GFRAL: variants seen among roughly 807,000 people sequenced by gnomAD.
The protein encoded by GFRAL is GDNF family receptor alpha like, also known as GDNF family receptor alpha-like.
In GFRAL, 36 loss-of-function variants were observed where a neutral mutation model predicts 45.4. The ratio of observed to expected loss-of-function variants is 0.79; its 90% CI spans 0.61 to 1.05. The LOEUF is 1.05. Among genes scored for constraint, GFRAL ranks in the 50% least tolerant of loss-of-function variants. The probability of loss-of-function intolerance (pLI) is 0.00; values close to 1 mark genes in which losing one functional copy is unlikely to be tolerated. For missense variants in GFRAL, 507 were observed against 467.5 expected (o/e 1.08, Z -0.78); for synonymous variants, 166 against 154.1 (o/e 1.08, Z -0.57).
intron 6 of GFRAL, among the ~76,000 whole-genome samples, chr6:55,378,115 A>T (rs1768558631): frequency 6.6e-6 from 1 of 152,064 alleles, no homozygotes; most frequent in South Asian, 2.1e-4. Flanking sequence ...TGTATGCATG[A>T]GTGCTGAGTG....
intron 6 of GFRAL, among the ~76,000 whole-genome samples, chr6:55,362,763 G>A (rs775611814): frequency 6.6e-5 from 10 of 151,778 alleles, no homozygotes; most frequent in Non-Finnish European, 1.3e-4. Context: ...TTAAATACCA[G>A]TTATATAGTC....
chr6:55,373,948 G>C (rs369253297), intron 6 of GFRAL, among the ~76,000 whole-genome samples: 1 of 152,086 alleles, frequency 6.6e-6, no homozygotes, highest in Non-Finnish European at 1.5e-5. Flanking sequence ...CCCACTGTGT[G>C]TCCATGTGTT....
chr6:55,328,964 A>G (rs923782130), intron 1 of GFRAL, among the ~76,000 whole-genome samples: 3 of 152,082 alleles, frequency 2.0e-5, no homozygotes, highest in Non-Finnish European at 4.4e-5. Flanking sequence ...TGAATTTTAA[A>G]ATCTCAGAAC....
chr6:55,390,850 T>C (rs1279244438), intron 6 of GFRAL, among the ~76,000 whole-genome samples: 1 of 150,470 alleles, frequency 6.6e-6, no homozygotes, highest in Admixed American at 6.6e-5. Context: ...ATCGCGCCAT[T>C]GCACTCCAGC....
intron 6 of GFRAL, among the ~76,000 whole-genome samples, chr6:55,370,376 A>G (rs990480156): frequency 6.6e-6 from 1 of 152,170 alleles, no homozygotes; most frequent in Non-Finnish European, 1.5e-5. Flanking sequence ...TTTGAGCATT[A>G]TATAAATGGA....
At chr6:55,394,349 G>A (rs190489574) in intron 6 of GFRAL, among the ~76,000 whole-genome samples, 1 of 152,174 alleles carries the variant, frequency 6.6e-6, no homozygotes, top group East Asian at 1.9e-4. Context: ...TAAGGGGAGG[G>A]GCAGGACTGA....
rs778321199 is a variant in GFRAL at position 55,331,880 on chromosome 6, G to T, written c.157+31G>T. The T allele has an allele frequency of 2.5e-6, 4 of 1,576,730 alleles. No homozygotes were observed. In the South Asian group the frequency reaches 3.5e-5, roughly 14 times the overall value. On this transcript the variant is annotated intron_variant, in intron 2 of 8. Transcript: ENST00000340465. ...CAAGTTGCTAAAAATACACTCAAAT[G>T]ATTTATTTTTACTAAGATAAAAACA... is the stretch of plus-strand genomic sequence containing the variant.
At chr6:55,339,506 C>T (rs1458832142) in intron 3 of GFRAL, among the ~76,000 whole-genome samples, 1 of 151,768 alleles carries the variant, frequency 6.6e-6, no homozygotes, top group Non-Finnish European at 1.5e-5. Flanking sequence ...GGGAAAAACA[C>T]AAAGGGAGGA....
At chr6:55,340,065 A>G (rs994090727) in intron 3 of GFRAL, among the ~76,000 whole-genome samples, 1 of 152,250 alleles carries the variant, frequency 6.6e-6, no homozygotes, top group African/African-American at 2.4e-5. Context: ...GACTTCGTAA[A>G]GGACCTGACC....
intron 6 of GFRAL, among the ~76,000 whole-genome samples, chr6:55,367,677 A>G (rs9396085): frequency 0.28 from 41,453 of 147,892 alleles, 6,879 homozygotes; most frequent in Non-Finnish European, 0.37. Flanking sequence ...TCTGTAAAGT[A>G]TTTTATTTCT....
intron 4 of GFRAL, 84 bp downstream of exon 4, chr6:55,350,229 G>A (rs550474932): frequency 5.1e-6 from 4 of 778,150 alleles, no homozygotes; most frequent in East Asian, 2.5e-5. Flanking sequence ...TTAAAGATAG[G>A]CCAATACAGA....
intron 3 of GFRAL, among the ~76,000 whole-genome samples, chr6:55,347,566 C>G (rs1768059510): frequency 6.6e-6 from 1 of 152,050 alleles, no homozygotes; most frequent in Non-Finnish European, 1.5e-5. Context: ...GAGGCACAAC[C>G]CGACAGCATA....
intron 6 of GFRAL, among the ~76,000 whole-genome samples, chr6:55,375,824 C>A (rs540895851): frequency 6.6e-6 from 1 of 152,248 alleles, no homozygotes; most frequent in South Asian, 2.1e-4. Flanking sequence ...TTGACTTCCT[C>A]TTTTCCTATC....
chr6:55,384,588 A>G (rs1285300174), intron 6 of GFRAL, among the ~76,000 whole-genome samples: 2 of 152,106 alleles, frequency 1.3e-5, no homozygotes, highest in East Asian at 3.9e-4. Flanking sequence ...TTTAGAAAGG[A>G]GTGAAGAATT....
At chr6:55,392,457 T>C (rs1768765955) in intron 6 of GFRAL, among the ~76,000 whole-genome samples, 1 of 152,236 alleles carries the variant, frequency 6.6e-6, no homozygotes, top group Non-Finnish European at 1.5e-5. Context: ...AAATGATCCA[T>C]GAATTCATTT....
At chr6:55,383,654 T>C (rs906755726) in intron 6 of GFRAL, among the ~76,000 whole-genome samples, 6 of 152,020 alleles carry the variant, frequency 3.9e-5, no homozygotes, top group Non-Finnish European at 7.4e-5. Context: ...CTCCTAATGA[T>C]GCATTTCTCA....
chr6:55,398,715 A>C (rs930630122), intron 6 of GFRAL, among the ~76,000 whole-genome samples: 4 of 152,176 alleles, frequency 2.6e-5, no homozygotes, highest in Non-Finnish European at 2.9e-5. Flanking sequence ...GGGAGGCAAA[A>C]ATAGGTAACA....
chr6:55,361,897 C>G (rs956014352), intron 6 of GFRAL, among the ~76,000 whole-genome samples: 28 of 151,960 alleles, frequency 1.8e-4, no homozygotes, highest in African/African-American at 6.5e-4. Context: ...TGAAGGGAGG[C>G]TTTTCAGTTT....
intron 5 of GFRAL, among the ~76,000 whole-genome samples, chr6:55,354,794 C>T: frequency 6.6e-6 from 1 of 151,966 alleles, no homozygotes; most frequent in East Asian, 1.9e-4. Flanking sequence ...CAAAACAGGG[C>T]ACTTCAGTTT....
Sources: allele counts gnomAD v4.1 joint callset (sites outside exome capture counted in the v4.1 genomes callset), GRCh38; gene constraint gnomAD v4.1.1; transcripts MANE v1.5; gene names NCBI Gene and HGNC (gene_info 2026-07-23, HGNC 2026-07-21).